Variants in LARGE1 observed in about 807,000 individuals in gnomAD.
The protein encoded by LARGE1 is xylosyl- and glucuronyltransferase LARGE1.
A neutral mutation model predicts 87.6 loss-of-function variants in LARGE1; 43 were observed. That is an observed-to-expected ratio of 0.49 (90% CI 0.38 to 0.63). The LOEUF is 0.63. Ranked by LOEUF, LARGE1 falls within the 30% of genes least tolerant of loss-of-function variation. LARGE1 has a pLI of 0.00. For missense variants in LARGE1, 802 were observed against 1,000.2 expected (o/e 0.80, Z 2.67); for synonymous variants, 434 against 394.6 (o/e 1.10, Z -1.18).
intron 2 of LARGE1, among the ~76,000 whole-genome samples, chr22:33,668,167 A>C (rs1226706605): frequency 1.3e-5 from 2 of 152,240 alleles, no homozygotes; most frequent in Non-Finnish European, 2.9e-5. Flanking sequence ...TGTATTTGTT[A>C]ATTATAGGTA....
chr22:33,590,925 G>A (rs1212739271), intron 5 of LARGE1, among the ~76,000 whole-genome samples: 9 of 152,194 alleles, frequency 5.9e-5, no homozygotes, highest in Admixed American at 1.3e-4. Flanking sequence ...TGCCAAGGCC[G>A]GGCGTGGTGG....
chr22:33,878,424 C>T (rs931848207), intron 1 of LARGE1, among the ~76,000 whole-genome samples: 5 of 152,024 alleles, frequency 3.3e-5, no homozygotes, highest in South Asian at 2.1e-4. Context: ...CCACCATACC[C>T]GGCCAGCTTA....
At chr22:33,081,560 T>A in the LARGE1 span, among the ~76,000 whole-genome samples, 2 of 152,192 alleles carry the variant, frequency 1.3e-5, no homozygotes, top group Non-Finnish European at 2.9e-5. Context: ...GGCCAAGTCA[T>A]AAAAGAAAGA....
intron 12 of LARGE1, among the ~76,000 whole-genome samples, chr22:33,294,466 G>A (rs1449567209): frequency 2.6e-5 from 4 of 152,182 alleles, no homozygotes; most frequent in Non-Finnish European, 5.9e-5. Flanking sequence ...GGGGACAGGA[G>A]GAGATAAAGA....
At position 33,604,789 on chromosome 22, in the gene LARGE1, A is replaced by G. The variant is rs542567259; in HGVS notation, c.492-231T>C. Among the ~76,000 whole-genome samples the G allele has an allele frequency of 3.3e-5, 5 of 152,214 alleles. No individual in the cohort carries two copies. In the South Asian group the frequency reaches 1.0e-3, roughly 32 times the overall value. On this transcript the variant is annotated intron_variant, in intron 4 of 14. Coordinates refer to ENST00000397394, the MANE Select transcript of LARGE1 (RefSeq NM_133642.5). ...TGACTCAGAGAAGTGACAACCAACC[A>G]CCAATCACTACTGACACCCAATTCA...
chr22:33,836,216 G>GC (rs10707505), intron 1 of LARGE1, among the ~76,000 whole-genome samples: 2 of 152,078 alleles, frequency 1.3e-5, no homozygotes, highest in African/African-American at 4.8e-5. Flanking sequence ...TCTGGCTCTG[G>GC]CCCCCATTCA....
At chr22:33,707,245 C>T (rs1210763883) in intron 2 of LARGE1, among the ~76,000 whole-genome samples, 3 of 152,242 alleles carry the variant, frequency 2.0e-5, no homozygotes, top group Non-Finnish European at 2.9e-5. Flanking sequence ...GGGAGAGCTC[C>T]CGGGGCCACA....
At chr22:33,111,847 G>A in the LARGE1 span, among the ~76,000 whole-genome samples, 91,654 of 152,020 alleles carry the variant, frequency 0.6, 28,121 homozygotes, top group East Asian at 0.77. Context: ...ATTATGGGGC[G>A]GGGAAGCAAG....
intron 1 of LARGE1, among the ~76,000 whole-genome samples, chr22:33,826,764 CAG>C (rs1568964204): frequency 6.6e-6 from 1 of 152,034 alleles, no homozygotes; most frequent in Non-Finnish European, 1.5e-5. Context: ...ATTTCCAAAT[CAG>C]GGAACAGCTA....
At chr22:33,796,577 G>T (rs112556151) in intron 1 of LARGE1, among the ~76,000 whole-genome samples, 8 of 152,148 alleles carry the variant, frequency 5.3e-5, no homozygotes, top group African/African-American at 1.9e-4. Flanking sequence ...AGAAGGACAT[G>T]GGTCAGAAAC....
chr22:33,391,924 C>G (rs565007245), intron 7 of LARGE1, among the ~76,000 whole-genome samples: 1 of 151,890 alleles, frequency 6.6e-6, no homozygotes, highest in Admixed American at 6.6e-5. Context: ...TGCCCACCAC[C>G]ACACCCAGCT....
the LARGE1 span, among the ~76,000 whole-genome samples, chr22:33,128,706 A>C: frequency 1.6e-5 from 2 of 126,794 alleles, no homozygotes; most frequent in Admixed American, 1.6e-4. Flanking sequence ...AAGAAAAAGA[A>C]AAAGAAAAGA....
At chr22:33,406,681 T>C (rs1244314391) in intron 7 of LARGE1, among the ~76,000 whole-genome samples, 1 of 152,212 alleles carries the variant, frequency 6.6e-6, no homozygotes, top group East Asian at 1.9e-4. Context: ...CCCAGGGCTG[T>C]GTGGTGGTGT....
At chr22:33,416,765 G>A (rs570414924) in intron 7 of LARGE1, among the ~76,000 whole-genome samples, 2 of 151,936 alleles carry the variant, frequency 1.3e-5, no homozygotes, top group African/African-American at 4.8e-5. Flanking sequence ...CACCAGCCCG[G>A]CTAATTTTTT....
intron 6 of LARGE1, among the ~76,000 whole-genome samples, chr22:33,434,524 CT>C (rs2067195209): frequency 6.6e-6 from 1 of 152,200 alleles, no homozygotes; most frequent in African/African-American, 2.4e-5. Context: ...TGGTCTCGAT[CT>C]CCTGACCTTG....
intron 2 of LARGE1, among the ~76,000 whole-genome samples, chr22:33,699,175 T>G (rs1002147412): frequency 6.6e-6 from 1 of 152,224 alleles, no homozygotes; most frequent in South Asian, 2.1e-4. Flanking sequence ...AGCTTTATTG[T>G]TTCTAAGAAA....
chr22:33,770,582 G>A (rs1273875614), intron 1 of LARGE1, among the ~76,000 whole-genome samples: 2 of 152,128 alleles, frequency 1.3e-5, no homozygotes, highest in Admixed American at 1.3e-4. Flanking sequence ...CTACTCCGGA[G>A]GCTGAGGGAG....
At chr22:33,389,408 A>C (rs1601670723) in intron 7 of LARGE1, among the ~76,000 whole-genome samples, 1 of 152,208 alleles carries the variant, frequency 6.6e-6, no homozygotes, top group East Asian at 1.9e-4. Flanking sequence ...GGCCCTACCA[A>C]AGTATCCCCA....
intron 6 of LARGE1, among the ~76,000 whole-genome samples, chr22:33,484,649 G>C (rs1011791486): frequency 3.3e-5 from 5 of 152,134 alleles, no homozygotes; most frequent in African/African-American, 1.2e-4. Context: ...CTGACTTTAA[G>C]TTAAGAGTCA....
Sources: allele counts gnomAD v4.1 joint callset (sites outside exome capture counted in the v4.1 genomes callset), GRCh38; gene constraint gnomAD v4.1.1; transcripts MANE v1.5; gene names NCBI Gene and HGNC (gene_info 2026-07-23, HGNC 2026-07-21).